Variants in ALDH9A1 observed in about 807,000 individuals in gnomAD.
The protein encoded by ALDH9A1 is aldehyde dehydrogenase 9 family member A1.
In ALDH9A1, 42 loss-of-function variants were observed where a neutral mutation model predicts 56.6. The observed-to-expected ratio is 0.74, with a 90% CI of 0.58 to 0.96. The LOEUF (loss-of-function observed/expected upper bound fraction) is 0.96. Ranked by LOEUF, ALDH9A1 falls within the 40% of genes least tolerant of loss-of-function variation. ALDH9A1 has a pLI of 0.00. For missense variants in ALDH9A1, 661 were observed against 651.5 expected (o/e 1.01, Z -0.16); for synonymous variants, 242 against 236.0 (o/e 1.03, Z -0.23).
At chr1:165,690,171 A>G (rs1000494314) in intron 2 of ALDH9A1, among the ~76,000 whole-genome samples, 2 of 147,998 alleles carry the variant, frequency 1.4e-5, no homozygotes, top group Non-Finnish European at 3.0e-5. Flanking sequence ...AACATAGCTT[A>G]TATGTGTATA....
At chr1:165,670,480 G>T (rs1316617395) in intron 6 of ALDH9A1, among the ~76,000 whole-genome samples, 2 of 151,436 alleles carry the variant, frequency 1.3e-5, no homozygotes, top group Admixed American at 1.3e-4. Context: ...TAAAACCTAG[G>T]TGTAGAAAAA....
intron 6 of ALDH9A1, among the ~76,000 whole-genome samples, chr1:165,671,007 GT>G (rs1421676309): frequency 2.0e-5 from 3 of 152,206 alleles, no homozygotes; most frequent in African/African-American, 7.2e-5. Flanking sequence ...GGAGATGGAG[GT>G]TGCAGTGAGC....
intron 6 of ALDH9A1, among the ~76,000 whole-genome samples, chr1:165,672,428 T>C (rs554595807): frequency 8.5e-5 from 13 of 152,288 alleles, no homozygotes; most frequent in African/African-American, 2.2e-4. Flanking sequence ...TATTGTATGA[T>C]TGCATTTATA....
rs542708756 is a variant in ALDH9A1, at chr1:165,687,913, G to A, written c.328-4803C>T. 5.3e-5 allele frequency among the ~76,000 whole-genome samples: 8 copies of A among 151,938 alleles called. No homozygotes were observed. In the South Asian group the frequency reaches 1.3e-3, roughly 24 times the overall value. On this transcript the variant is annotated intron_variant, in intron 2 of 10. Transcript: ENST00000354775. ...TGAGGCAGGAGAATCACTTGAACCC[G>A]GGAGGCGGAGGTTGCAGTGAGCCGA...
intron 4 of ALDH9A1, among the ~76,000 whole-genome samples, chr1:165,681,526 A>G (rs539699179): frequency 1.3e-5 from 2 of 152,362 alleles, no homozygotes; most frequent in African/African-American, 4.8e-5. Flanking sequence ...GCATTTCAAT[A>G]TAATGTCCTA....
chr1:165,682,913 C>A, intron 3 of ALDH9A1, 68 bp downstream of exon 3: 1 of 1,531,882 alleles, frequency 6.5e-7, no homozygotes, highest in South Asian at 1.2e-5. Context: ...AAATCTTTGC[C>A]CTTCACCACT....
In ALDH9A1 at chr1:165,680,829, T is replaced by C. The variant is rs946099256; in HGVS notation, c.593-146A>G. The C allele has an allele frequency of 1.1e-5, 9 of 795,694 alleles. No homozygotes were observed. In the African/African-American group the frequency reaches 1.6e-4, roughly 14 times the overall value. 49.3% of individuals were successfully genotyped at this position (795,694 alleles called of 1,614,324 possible). On this transcript the variant is annotated intron_variant, in intron 4 of 10. Transcript: ENST00000354775. ...ACATCAAAAATGTTATTAATAACCA[T>C]ATTAGTTTGTTTTCATGCTGCTGAT...
At position 165,669,265 on chromosome 1, in the gene ALDH9A1, C is replaced by A; in HGVS notation, c.1116G>T (p.Glu372Asp). The change falls in exon 7 of 11, where the codon GAG becomes GAT. Residue 372 changes from glutamate to aspartate, a missense_variant. Coordinates refer to ENST00000354775, the MANE Select transcript of ALDH9A1 (RefSeq NM_000696.4). ...RVLGFVKVAK[E>D]QGAKVLCGGD... ...CCTACTGCCAATTATTTCTTACCTG[C>A]TCCTTTGCCACTTTGACAAACCCAA... The A allele has an allele frequency of 6.2e-7, 1 of 1,601,250 alleles. No individual in the cohort carries two copies. Among genetic ancestry groups the A allele is most frequent in the Non-Finnish European group, 8.5e-7 (1 of 1,174,560 alleles).
At chr1:165,690,183 TTATGTATATGTATATTATATGTGTTTTA>T (rs1558011783) in intron 2 of ALDH9A1, among the ~76,000 whole-genome samples, 1 of 148,926 alleles carries the variant, frequency 6.7e-6, no homozygotes, top group Non-Finnish European at 1.5e-5. Context: ...ATGTGTATAA[TTATGTATATGTATATTATATGTGTTTTA>T]TATGTATATG....
chr1:165,669,479 C>T (rs1032122953), intron 6 of ALDH9A1, 29 bp from the exon 7 acceptor site: 7 of 1,568,916 alleles, frequency 4.5e-6, no homozygotes, highest in Non-Finnish European at 6.0e-6. Flanking sequence ...ACATCAATTT[C>T]TATGTGTGTA....
intron 5 of ALDH9A1, 147 bp from the exon 6 acceptor site, chr1:165,679,729 T>A: frequency 1.2e-6 from 1 of 810,196 alleles, no homozygotes; most frequent in Non-Finnish European, 2.0e-6. Context: ...TTTTGGCTAT[T>A]AAAATATTCT....
At chr1:165,679,635 G>A in intron 5 of ALDH9A1, 53 bp from the exon 6 acceptor site, 1 of 1,599,156 alleles carries the variant, frequency 6.3e-7, no homozygotes, top group African/African-American at 1.3e-5. Context: ...TATATTGCAT[G>A]CTAAGTCAAC....
chr1:165,685,396 T>C (rs1649676251), intron 2 of ALDH9A1, among the ~76,000 whole-genome samples: 1 of 152,218 alleles, frequency 6.6e-6, no homozygotes. Context: ...TTTTGAGCAT[T>C]TTCTCATTTC....
rs370220593 is a variant in ALDH9A1, at chr1:165,669,250, A to G, written c.1119+12T>C. ...CTTCCCCAACCCCACCCTACTGCCA[A>G]TTATTTCTTACCTGCTCCTTTGCCA... is the stretch of plus-strand genomic sequence containing the variant. On this transcript the variant is annotated intron_variant, in intron 7 of 10. Transcript: ENST00000354775. 6 of 1,591,142 alleles carry G rather than the reference A, an allele frequency of 3.8e-6. No individual in the cohort carries two copies. The highest frequency in any genetic ancestry group is 5.1e-6 in the Non-Finnish European group (6 of 1,169,988).
intron 6 of ALDH9A1, among the ~76,000 whole-genome samples, chr1:165,670,266 C>T (rs1649134446): frequency 6.6e-6 from 1 of 152,072 alleles, no homozygotes; most frequent in African/African-American, 2.4e-5. Context: ...AACCCCATCT[C>T]TACAAAAAAC....
At chr1:165,671,612 T>G (rs573524834) in intron 6 of ALDH9A1, 1 of 475,652 alleles carries the variant, frequency 2.1e-6, no homozygotes, top group East Asian at 5.6e-5. Flanking sequence ...GGATGCTAAA[T>G]TCTGTCTGAT....
chr1:165,697,356 C>T (rs1452007800), intron 1 of ALDH9A1, among the ~76,000 whole-genome samples: 1 of 152,142 alleles, frequency 6.6e-6, no homozygotes, highest in Non-Finnish European at 1.5e-5. Flanking sequence ...CCAAAAAAAG[C>T]CATTAACTAT....
intron 9 of ALDH9A1, among the ~76,000 whole-genome samples, chr1:165,665,919 G>A (rs1648992267): frequency 6.6e-6 from 1 of 151,970 alleles, no homozygotes; most frequent in African/African-American, 2.4e-5. Context: ...ACACCCAACA[G>A]AAACGAAAAT....
chr1:165,675,459 T>C (rs1649328930), intron 6 of ALDH9A1, among the ~76,000 whole-genome samples: 1 of 152,058 alleles, frequency 6.6e-6, no homozygotes, highest in Admixed American at 6.5e-5. Flanking sequence ...AATATACAAG[T>C]ACCTATTCAT....
Sources: allele counts gnomAD v4.1 joint callset (sites outside exome capture counted in the v4.1 genomes callset), GRCh38; gene constraint gnomAD v4.1.1; transcripts MANE v1.5; gene names NCBI Gene and HGNC (gene_info 2026-07-23, HGNC 2026-07-21).